Variants in PRKCQ observed in about 807,000 individuals in gnomAD.
The protein encoded by PRKCQ is protein kinase C theta type.
In PRKCQ, 41 loss-of-function variants were observed where a neutral mutation model predicts 91.2. The ratio of observed to expected loss-of-function variants is 0.45; its 90% CI spans 0.35 to 0.58. PRKCQ has a LOEUF of 0.58. Among genes scored for constraint, PRKCQ ranks in the 20% least tolerant of loss-of-function variants. PRKCQ has a pLI of 0.00. For missense variants in PRKCQ, 673 were observed against 896.5 expected (o/e 0.75, Z 3.18); for synonymous variants, 307 against 316.9 (o/e 0.97, Z 0.33).
At chr10:6,442,728 G>A (rs938510338) in intron 15 of PRKCQ, among the ~76,000 whole-genome samples, 11 of 152,160 alleles carry the variant, frequency 7.2e-5, no homozygotes, top group Non-Finnish European at 1.2e-4. Context: ...TTGGGAGGCC[G>A]AGGCTAGTGG....
At chr10:6,459,638 T>C (rs1170667825) in intron 14 of PRKCQ, among the ~76,000 whole-genome samples, 1 of 152,206 alleles carries the variant, frequency 6.6e-6, no homozygotes, top group African/African-American at 2.4e-5. Flanking sequence ...AGGTGGGCCC[T>C]AAATCCATCA....
intron 7 of PRKCQ, among the ~76,000 whole-genome samples, chr10:6,496,455 G>T (rs188582542): frequency 6.6e-6 from 1 of 152,006 alleles, no homozygotes; most frequent in East Asian, 1.9e-4. Context: ...CTCTAACCTT[G>T]TAAATGCCAT....
intron 1 of PRKCQ, among the ~76,000 whole-genome samples, chr10:6,563,747 A>G (rs1840721266): frequency 6.6e-6 from 1 of 152,060 alleles, no homozygotes; most frequent in Non-Finnish European, 1.5e-5. Flanking sequence ...ACCAAAATTT[A>G]CTGAGCACTT....
At chr10:6,438,272 T>C (rs1833797448) in intron 16 of PRKCQ, among the ~76,000 whole-genome samples, 1 of 152,260 alleles carries the variant, frequency 6.6e-6, no homozygotes, top group Admixed American at 6.5e-5. Flanking sequence ...CCAAGACAAG[T>C]TGTCACTTTT....
chr10:6,454,924 T>C (rs1202320389), intron 15 of PRKCQ, among the ~76,000 whole-genome samples: 1 of 152,142 alleles, frequency 6.6e-6, no homozygotes, highest in Non-Finnish European at 1.5e-5. Flanking sequence ...GGAAGCCGGA[T>C]TCTGCAAGAA....
At chr10:6,451,921 G>A (rs1301833450) in intron 15 of PRKCQ, among the ~76,000 whole-genome samples, 1 of 152,168 alleles carries the variant, frequency 6.6e-6, no homozygotes, top group African/African-American at 2.4e-5. Context: ...TTGATGGGAT[G>A]TATCTCAAAA....
the PRKCQ span, among the ~76,000 whole-genome samples, chr10:6,395,286 G>C: frequency 6.6e-6 from 1 of 151,816 alleles, no homozygotes. Context: ...GGATGGTCTC[G>C]ATCTCCTGAC....
intron 1 of PRKCQ, among the ~76,000 whole-genome samples, chr10:6,572,999 T>C (rs551533190): frequency 6.6e-6 from 1 of 152,054 alleles, no homozygotes; most frequent in African/African-American, 2.4e-5. Context: ...ATATTGAGGG[T>C]TTTTTTTCCA....
At chr10:6,553,337 A>C (rs1195323371) in intron 1 of PRKCQ, among the ~76,000 whole-genome samples, 1 of 151,888 alleles carries the variant, frequency 6.6e-6, no homozygotes, top group Non-Finnish European at 1.5e-5. Flanking sequence ...TAAAAATACA[A>C]AAATTAGCTG....
In PRKCQ at chr10:6,511,151, T is replaced by C. The variant is rs750633141; in HGVS notation, c.162A>G (p.Pro54=). 2 of 1,613,906 alleles carry C rather than the reference T, an allele frequency of 1.2e-6. No homozygotes were observed. Among genetic ancestry groups the C allele is most frequent in the Non-Finnish European group, 1.7e-6 (2 of 1,180,018 alleles). The change falls in exon 3 of 18, where the codon CCA becomes CCG. Residue 54 remains proline (P), a synonymous_variant. Coordinates refer to ENST00000263125, the MANE Select transcript of PRKCQ (RefSeq NM_006257.5). ...GGGCATCAAAAGTGCTGTCCCAGGG[T>C]GGGTACATGGTAGGCTTTTTCTGGA... ...MYIQKKPTMY[P]PWDSTFDAHI...
chr10:6,411,916 G>T, the PRKCQ span, among the ~76,000 whole-genome samples: 1 of 152,234 alleles, frequency 6.6e-6, no homozygotes, highest in Non-Finnish European at 1.5e-5. Flanking sequence ...GTTTACTATG[G>T]TCACACACAC....
chr10:6,506,384 A>G (rs1838204792), intron 4 of PRKCQ, among the ~76,000 whole-genome samples: 1 of 152,154 alleles, frequency 6.6e-6, no homozygotes, highest in Non-Finnish European at 1.5e-5. Context: ...GATTATTTTG[A>G]AGCAAAACTA....
Position 6,485,161 on chromosome 10 carries a change from C to G in PRKCQ, c.1009G>C (p.Gly337Arg). The G allele has an allele frequency of 1.2e-6, 2 of 1,612,850 alleles. No individual in the cohort carries two copies. Among genetic ancestry groups the G allele is most frequent in the Non-Finnish European group, 1.7e-6 (2 of 1,179,432 alleles). Residue 337 changes from glycine (G) to arginine (R), a missense_variant, in exon 10 of 18, where the codon GGA (glycine) becomes CGA (arginine). Physicochemically the swap from Gly to Arg is moderately radical, Grantham distance 125. Transcript: ENST00000263125. ...EARPPCLPTP[G>R]KREPQGISWE... ...TGATCAGGACAGCTACCTCTTTTTC[C>G]CGGTGTCGGTAAACATGGCGGCCTT...
At chr10:6,395,343 C>T in the PRKCQ span, among the ~76,000 whole-genome samples, 3 of 152,058 alleles carry the variant, frequency 2.0e-5, no homozygotes, top group Admixed American at 1.3e-4. Context: ...GGATTACAGG[C>T]GTGAACCAGC....
At chr10:6,489,411 C>T (rs1196438007) in intron 8 of PRKCQ, 3 of 531,530 alleles carry the variant, frequency 5.6e-6, no homozygotes, top group South Asian at 2.8e-5. Context: ...CAGGCCGTAA[C>T]TCAGTTTCTT....
the PRKCQ span, among the ~76,000 whole-genome samples, chr10:6,407,271 G>C: frequency 1.3e-5 from 2 of 151,756 alleles, no homozygotes; most frequent in Non-Finnish European, 2.9e-5. The surrounding 1 kb of genome is among the most constrained non-coding windows in gnomAD (Gnocchi z 4.0). Context: ...TGGTGCCGGG[G>C]TGTGGGGGGT....
At chr10:6,484,871 A>G (rs1313559132) in intron 10 of PRKCQ, among the ~76,000 whole-genome samples, 1 of 152,228 alleles carries the variant, frequency 6.6e-6, no homozygotes, top group Admixed American at 6.5e-5. Context: ...ATTTCTGTGA[A>G]ACCATTTGAC....
At chr10:6,529,548 G>C (rs984558585) in intron 1 of PRKCQ, among the ~76,000 whole-genome samples, 1 of 152,168 alleles carries the variant, frequency 6.6e-6, no homozygotes, top group Non-Finnish European at 1.5e-5. Flanking sequence ...GGGATCTGAA[G>C]CCCCTGGGCA....
chr10:6,474,943 T>C (rs969900778), intron 12 of PRKCQ, among the ~76,000 whole-genome samples: 1 of 152,136 alleles, frequency 6.6e-6, no homozygotes, highest in South Asian at 2.1e-4. Flanking sequence ...CTGCAGACTT[T>C]GTAAGACAGA....
Sources: allele counts gnomAD v4.1 joint callset (sites outside exome capture counted in the v4.1 genomes callset), GRCh38; gene constraint gnomAD v4.1.1; non-coding constraint Gnocchi (gnomAD v3.1); transcripts MANE v1.5; gene names NCBI Gene and HGNC (gene_info 2026-07-23, HGNC 2026-07-21).